Variants in ADD3 observed in about 807,000 individuals in gnomAD.
ADD3 encodes the protein adducin 3.
A neutral mutation model predicts 80.2 loss-of-function variants in ADD3; 25 were observed. The ratio of observed to expected loss-of-function variants is 0.31; its 90% CI spans 0.23 to 0.44. The LOEUF is 0.44. Ranked by LOEUF, ADD3 falls within the 20% of genes least tolerant of loss-of-function variation. The probability of loss-of-function intolerance (pLI) is 1.00; values close to 1 mark genes in which losing one functional copy is unlikely to be tolerated. For synonymous variants in ADD3, 284 were observed against 289.6 expected (o/e 0.98, Z 0.20); for missense variants, 829 against 847.5 (o/e 0.98, Z 0.27).
intron 1 of ADD3, among the ~76,000 whole-genome samples, chr10:110,026,398 A>G (rs1854309646): frequency 6.6e-6 from 1 of 150,456 alleles, no homozygotes; most frequent in Admixed American, 6.7e-5. Flanking sequence ...CTCCTGCCTC[A>G]GCCTCCTGAG....
At chr10:110,004,850 T>TA (rs142547057), upstream of ADD3, among the ~76,000 whole-genome samples, 13,504 of 152,076 alleles carry the variant, frequency 0.089, 1,918 homozygotes, top group African/African-American at 0.31. Flanking sequence ...AATATAAAGA[T>TA]AAAATGTAAG....
At chr10:110,005,015 A>T (rs1851572927), upstream of ADD3, among the ~76,000 whole-genome samples, 1 of 152,178 alleles carries the variant, frequency 6.6e-6, no homozygotes, top group African/African-American at 2.4e-5. Context: ...CTATTATCCA[A>T]AAATTATTTT....
intron 12 of ADD3, among the ~76,000 whole-genome samples, chr10:110,128,049 A>ATTTTTTTTTTTTTTTTTTTTTT (rs71486096): frequency 9.4e-6 from 1 of 106,014 alleles, no homozygotes. Context: ...TTTGTTTAGG[A>ATTTTTTTTTTTTTTTTTTTTTT]TTTTTTTTTT....
At chr10:110,023,857 T>C (rs545765542) in intron 1 of ADD3, among the ~76,000 whole-genome samples, 4 of 152,298 alleles carry the variant, frequency 2.6e-5, no homozygotes, top group Non-Finnish European at 5.9e-5. Flanking sequence ...TATGCTGTGT[T>C]TTTGCATTTA....
chr10:110,084,493 A>G (rs1483152142), intron 1 of ADD3, among the ~76,000 whole-genome samples: 1 of 152,208 alleles, frequency 6.6e-6, no homozygotes, highest in Non-Finnish European at 1.5e-5. Context: ...TTCTTATATG[A>G]ACAGATCATA....
intron 12 of ADD3, among the ~76,000 whole-genome samples, chr10:110,126,790 C>T (rs971558701): frequency 6.6e-6 from 1 of 152,186 alleles, no homozygotes. Context: ...GGTGATCCTC[C>T]AGCCTTGACC....
chr10:110,060,493 C>T (rs1173882314), intron 1 of ADD3, among the ~76,000 whole-genome samples: 1 of 152,200 alleles, frequency 6.6e-6, no homozygotes, highest in African/African-American at 2.4e-5. Flanking sequence ...TGTCTTATTT[C>T]TTTGCAAATC....
intron 2 of ADD3, among the ~76,000 whole-genome samples, chr10:110,110,315 C>T (rs1017656498): frequency 6.6e-6 from 1 of 152,122 alleles, no homozygotes; most frequent in African/African-American, 2.4e-5. Context: ...ATCCATGCAT[C>T]TGTATATATG....
At chr10:110,018,153 TATG>T (rs754561785) in intron 1 of ADD3, among the ~76,000 whole-genome samples, 104 of 152,126 alleles carry the variant, frequency 6.8e-4, no homozygotes, top group Non-Finnish European at 1.2e-3. Context: ...CAATGCAAAA[TATG>T]TTACTTGCCA....
intron 2 of ADD3, among the ~76,000 whole-genome samples, chr10:110,109,032 T>C (rs369029883): frequency 3.3e-5 from 5 of 152,212 alleles, no homozygotes; most frequent in Admixed American, 1.3e-4. Flanking sequence ...TACTCACATA[T>C]TGTGGGATAT....
intron 2 of ADD3, among the ~76,000 whole-genome samples, chr10:110,111,082 C>T (rs538438633): frequency 1.4e-3 from 210 of 152,294 alleles, no homozygotes; most frequent in African/African-American, 5.0e-3. Context: ...CCTACCGTCA[C>T]GAGGCAGACC....
At chr10:110,111,771 C>T (rs983145870) in intron 2 of ADD3, among the ~76,000 whole-genome samples, 17 of 151,908 alleles carry the variant, frequency 1.1e-4, no homozygotes, top group East Asian at 2.0e-4. Flanking sequence ...CAAAATTAGC[C>T]GGGTGGTGGC....
chr10:110,017,346 A>G (rs1345172118), intron 1 of ADD3, among the ~76,000 whole-genome samples: 2 of 152,218 alleles, frequency 1.3e-5, no homozygotes, highest in Non-Finnish European at 2.9e-5. Context: ...TTGAGAATTC[A>G]CTAGAATCAG....
intron 1 of ADD3, among the ~76,000 whole-genome samples, chr10:110,052,750 A>T (rs1393793706): frequency 6.6e-6 from 1 of 152,230 alleles, no homozygotes; most frequent in Non-Finnish European, 1.5e-5. Flanking sequence ...TTTTATTTTT[A>T]AGCCTGAAAA....
At position 110,135,036 on chromosome 10, in the gene ADD3, C is replaced by G. The variant is rs546770281; in HGVS notation, c.*1418C>G. 1 of 152,126 alleles carries G rather than the reference C, an allele frequency of 6.6e-6. No homozygotes were observed. Among genetic ancestry groups the G allele is most frequent in the Admixed American group, 6.5e-5 (1 of 15,274 alleles). The allele number at this position is 152,126 out of a possible 1,614,324, so 9.4% of individuals were successfully genotyped here. On this transcript the variant is annotated 3_prime_UTR_variant, in exon 15 of 15. Coordinates refer to ENST00000356080, the MANE Select transcript of ADD3 (RefSeq NM_016824.5). ...TGCAAAATCAATGATCCAGAATGAT[C>G]GTGGGTAAAAATAACTCAAAGTGTT...
At chr10:110,050,455 C>T (rs935175606) in intron 1 of ADD3, among the ~76,000 whole-genome samples, 5 of 151,506 alleles carry the variant, frequency 3.3e-5, no homozygotes, top group South Asian at 2.1e-4. Flanking sequence ...TGCCTTCCAC[C>T]GTGATTGTGA....
chr10:110,037,621 A>AG (rs1855820356), intron 1 of ADD3, among the ~76,000 whole-genome samples: 1 of 151,798 alleles, frequency 6.6e-6, no homozygotes, highest in African/African-American at 2.4e-5. Flanking sequence ...AAAAAAAAAA[A>AG]AAAGTTAACT....
In ADD3 at chr10:110,044,563, T is replaced by C. The variant is rs568810627; in HGVS notation, c.-30+36264T>C. Among the ~76,000 whole-genome samples the C allele has an allele frequency of 2.6e-5, 4 of 152,342 alleles. No homozygotes were observed. In the South Asian group the frequency reaches 8.3e-4, roughly 32 times the overall value. On this transcript the variant is annotated intron_variant, in intron 1 of 14. Coordinates refer to ENST00000356080, the MANE Select transcript of ADD3 (RefSeq NM_016824.5). ...AGCTTCAAAATGTTAAAAATATTCA[T>C]AGAACATCCACAGCTGATAAGTAAC... is the stretch of plus-strand genomic sequence containing the variant.
chr10:110,087,999 G>A (rs1342686557), intron 1 of ADD3, among the ~76,000 whole-genome samples: 1 of 152,134 alleles, frequency 6.6e-6, no homozygotes, highest in Non-Finnish European at 1.5e-5. Context: ...CCCTAGGCTT[G>A]TGCTGCATCG....
Sources: allele counts gnomAD v4.1 joint callset (sites outside exome capture counted in the v4.1 genomes callset), GRCh38; gene constraint gnomAD v4.1.1; transcripts MANE v1.5; gene names NCBI Gene and HGNC (gene_info 2026-07-23, HGNC 2026-07-21).